The following PCDHGB6 variants were observed in gnomAD, a reference collection of about 807,000 sequenced individuals.
The protein encoded by PCDHGB6 is protocadherin gamma subfamily B, 6, also known as protocadherin gamma-B6.
A neutral mutation model predicts 59.1 loss-of-function variants in PCDHGB6; 51 were observed. That is an observed-to-expected ratio of 0.86 (90% CI 0.69 to 1.09). The LOEUF is 1.09. PCDHGB6 is among the 50% of genes least tolerant of loss of function. The pLI is 0.00. For missense variants in PCDHGB6, 1,148 were observed against 1,205.1 expected, an observed-to-expected ratio of 0.95 and a Z score of 0.70; for synonymous variants, 466 against 495.1, an observed-to-expected ratio of 0.94 and a Z score of 0.78.
At chr5:141,427,603 T>G in intron 1 of PCDHGB6, 2 of 681,440 alleles carry the variant, frequency 2.9e-6, no homozygotes, top group East Asian at 2.8e-5. Flanking sequence ...ACCCTACGCA[T>G]TGGTGAAGTC....
intron 3 of PCDHGB6, among the ~76,000 whole-genome samples, chr5:141,505,875 T>C (rs991981462): frequency 2.6e-4 from 40 of 152,140 alleles, no homozygotes; most frequent in African/African-American, 9.2e-4. Flanking sequence ...AAAGGGTTGT[T>C]GTAGAGATTA....
rs2095247947 is a variant in PCDHGB6, at chr5:141,409,258, C to G, written c.1056C>G (p.Leu352=). 1.2e-6 allele frequency: 2 copies of G among 1,613,918 alleles called. No individual in the cohort carries two copies. The highest frequency in any genetic ancestry group is 8.5e-7 in the Non-Finnish European group (1 of 1,179,910). Residue 352 remains leucine, a synonymous_variant, in exon 1 of 4, where the codon CTC becomes CTG. Coordinates refer to ENST00000520790, the MANE Select transcript of PCDHGB6 (RefSeq NM_018926.3). ...GCCCAGAAATAATCATCACTTCTCTCTCTGATCAGATTTTGGAGAATTCAC... is the reference window on the plus strand; with the variant it reads ...GCCCAGAAATAATCATCACTTCTCTGTCTGATCAGATTTTGGAGAATTCAC... ...DNSPEIIITS[L]SDQILENSPP...
intron 1 of PCDHGB6, among the ~76,000 whole-genome samples, chr5:141,453,293 T>TTATG: frequency 6.6e-6 from 1 of 151,872 alleles, no homozygotes; most frequent in Non-Finnish European, 1.5e-5. Flanking sequence ...TTTTAATTAT[T>TTATG]TATTTATTTA....
At chr5:141,446,767 G>T (rs891355909) in intron 1 of PCDHGB6, among the ~76,000 whole-genome samples, 1 of 152,118 alleles carries the variant, frequency 6.6e-6, no homozygotes, top group African/African-American at 2.4e-5. Flanking sequence ...GCGCCCAGCC[G>T]GTTACCATTC....
Position 141,485,715 on chromosome 5 carries a change from A to G in PCDHGB6, c.2419-9092A>G. The G allele has an allele frequency of 6.2e-7, 1 of 1,614,114 alleles. No homozygotes were observed. Among genetic ancestry groups the G allele is most frequent in the Non-Finnish European group, 8.5e-7 (1 of 1,180,012 alleles). On this transcript the variant is annotated intron_variant, in intron 1 of 3. Transcript: ENST00000520790. The surrounding 1 kb of genome is among the most constrained non-coding windows in gnomAD (Gnocchi z 5.7). ...AGCTCCAATGAACACTTTGCACTGGATGTGAAGAAGCGCAGCGACGGCAGC... is the reference window on the plus strand; with the variant it reads ...AGCTCCAATGAACACTTTGCACTGGGTGTGAAGAAGCGCAGCGACGGCAGC...
intron 1 of PCDHGB6, among the ~76,000 whole-genome samples, chr5:141,434,463 G>A (rs967685246): frequency 5.9e-5 from 9 of 152,192 alleles, no homozygotes; most frequent in Admixed American, 1.3e-4. Flanking sequence ...TGGGTTTACC[G>A]GAATGAGGGC....
chr5:141,480,970 A>C (rs1189003084), intron 1 of PCDHGB6, among the ~76,000 whole-genome samples: 1 of 152,120 alleles, frequency 6.6e-6, no homozygotes, highest in Non-Finnish European at 1.5e-5. Flanking sequence ...AGTGAGGGAG[A>C]ATCAGTGAAC....
At chr5:141,500,509 G>A (rs1048476645) in intron 2 of PCDHGB6, among the ~76,000 whole-genome samples, 19 of 152,100 alleles carry the variant, frequency 1.2e-4, no homozygotes, top group South Asian at 4.2e-4. Context: ...GCGCCTGGCC[G>A]AGCTTCATTT....
intron 2 of PCDHGB6, 119 bp from the exon 3 acceptor site, chr5:141,505,274 C>T: frequency 6.6e-7 from 1 of 1,524,344 alleles, no homozygotes; most frequent in East Asian, 2.3e-5. Flanking sequence ...CTGAGAGAAA[C>T]AGGTCTTGGG....
chr5:141,469,618 T>C (rs1284372508), intron 1 of PCDHGB6, among the ~76,000 whole-genome samples: 1 of 152,148 alleles, frequency 6.6e-6, no homozygotes, highest in Non-Finnish European at 1.5e-5. Context: ...ATAAAATAAA[T>C]GTTTGTAGTT....
intron 1 of PCDHGB6, chr5:141,422,676 A>C (rs1245488589): frequency 6.2e-7 from 1 of 1,606,500 alleles, no homozygotes; most frequent in Admixed American, 1.7e-5. Flanking sequence ...CGGACAGCAA[A>C]CAGAATGCCC....
At chr5:141,492,070 G>T (rs1408035481) in intron 1 of PCDHGB6, 1 of 477,946 alleles carries the variant, frequency 2.1e-6, no homozygotes. Context: ...CCTCCTAGGC[G>T]CCGGCTCCGG....
intron 1 of PCDHGB6, chr5:141,440,036 A>T (rs540100930): frequency 6.5e-6 from 1 of 153,058 alleles, no homozygotes; most frequent in Non-Finnish European, 1.5e-5. Context: ...TGTCGAGGAC[A>T]TGCCCACTTG....
At position 141,476,140 on chromosome 5, in the gene PCDHGB6, C is replaced by A. The variant is rs1410430310; in HGVS notation, c.2419-18667C>A. On this transcript the variant is annotated intron_variant, in intron 1 of 3. Coordinates refer to ENST00000520790, the MANE Select transcript of PCDHGB6 (RefSeq NM_018926.3). The surrounding 1 kb of genome is among the most constrained non-coding windows in gnomAD (Gnocchi z 7.6). ...AGATGGTCCCAGAGGCCTGGAGGAG[C>A]GGACTGGTAAGCACCGGGAGGGTAG... 6 of 1,609,222 alleles carry A rather than the reference C, an allele frequency of 3.7e-6. No homozygotes were observed. The highest frequency in any genetic ancestry group is 5.1e-6 in the Non-Finnish European group (6 of 1,178,484).
intron 1 of PCDHGB6, among the ~76,000 whole-genome samples, chr5:141,463,393 C>CA (rs955461719): frequency 5.7e-5 from 8 of 140,804 alleles, no homozygotes; most frequent in Non-Finnish European, 7.6e-5. Flanking sequence ...TGTCTCCAGG[C>CA]AAAAAAAATG....
intron 2 of PCDHGB6, among the ~76,000 whole-genome samples, chr5:141,497,809 G>A (rs1256990692): frequency 1.3e-5 from 2 of 152,190 alleles, no homozygotes. Context: ...CAAAGTGCTA[G>A]AATTACAGGT....
intron 1 of PCDHGB6, among the ~76,000 whole-genome samples, chr5:141,474,116 A>G (rs2099342954): frequency 1.3e-5 from 2 of 152,234 alleles, no homozygotes; most frequent in African/African-American, 4.8e-5. Flanking sequence ...AACAACAACG[A>G]AAATCTCAGA....
At chr5:141,450,831 T>TATA (rs761717068) in intron 1 of PCDHGB6, among the ~76,000 whole-genome samples, 3 of 144,648 alleles carry the variant, frequency 2.1e-5, no homozygotes, top group Non-Finnish European at 4.5e-5. Flanking sequence ...TTATTATTAT[T>TATA]TTTTTTTTTT....
intron 1 of PCDHGB6, among the ~76,000 whole-genome samples, chr5:141,449,342 C>T (rs895923034): frequency 3.3e-5 from 5 of 151,854 alleles, no homozygotes; most frequent in Non-Finnish European, 5.9e-5. Context: ...TGCAGTGGCT[C>T]ACTCCTGTAA....
Sources: allele counts gnomAD v4.1 joint callset (sites outside exome capture counted in the v4.1 genomes callset), GRCh38; gene constraint gnomAD v4.1.1; non-coding constraint Gnocchi (gnomAD v3.1); transcripts MANE v1.5; gene names NCBI Gene and HGNC (gene_info 2026-07-23, HGNC 2026-07-21).